Variants in SLC24A2 observed in about 807,000 individuals in gnomAD.
The protein encoded by SLC24A2 is sodium/potassium/calcium exchanger 2.
A neutral mutation model predicts 62.0 loss-of-function variants in SLC24A2; 36 were observed. That is an observed-to-expected ratio of 0.58 (90% CI 0.44 to 0.77). SLC24A2 has a LOEUF of 0.77. Among genes scored for constraint, SLC24A2 ranks in the 30% least tolerant of loss-of-function variants. The pLI is 0.00. For missense variants in SLC24A2, 846 were observed against 817.9 expected, an observed-to-expected ratio of 1.03 and a Z score of -0.42; for synonymous variants, 358 against 294.0, an observed-to-expected ratio of 1.22 and a Z score of -2.23.
chr9:20,189,596 T>C, the SLC24A2 span, among the ~76,000 whole-genome samples: 1 of 152,176 alleles, frequency 6.6e-6, no homozygotes, highest in Non-Finnish European at 1.5e-5. Flanking sequence ...ATTTGAGCTA[T>C]CCCCTTTGAA....
the SLC24A2 span, among the ~76,000 whole-genome samples, chr9:20,044,732 T>C: frequency 6.6e-6 from 1 of 152,200 alleles, no homozygotes; most frequent in Non-Finnish European, 1.5e-5. Context: ...AGTGTTAGAA[T>C]TCTGATTATC....
At chr9:19,891,393 C>T in the SLC24A2 span, among the ~76,000 whole-genome samples, 1 of 152,154 alleles carries the variant, frequency 6.6e-6, no homozygotes, top group African/African-American at 2.4e-5. Flanking sequence ...TGTTGCTATA[C>T]AAGAAACTCT....
intron 2 of SLC24A2, among the ~76,000 whole-genome samples, chr9:19,748,608 A>G (rs1368964982): frequency 6.6e-6 from 1 of 152,156 alleles, no homozygotes; most frequent in Non-Finnish European, 1.5e-5. Context: ...ATAAATTTCC[A>G]GCAATATTGG....
At position 19,547,815 on chromosome 9, in the gene SLC24A2, C is replaced by G. The variant is rs367917123; in HGVS notation, c.1479+2322G>C. Among the ~76,000 whole-genome samples the G allele has an allele frequency of 2.2e-4, 33 of 151,562 alleles. 1 individual carries two copies. The East Asian group carries it at 3.3e-3, about 15-fold the overall frequency. On this transcript the variant is annotated intron_variant, in intron 8 of 10. Coordinates refer to ENST00000341998, the MANE Select transcript of SLC24A2 (RefSeq NM_020344.4). Reference sequence around the variant, plus strand: ...GGCCACACAAAAGCATTGGACTAAACAGCAGAGCAAGAGAGAGAGAGAGAC... The same window carrying G: ...GGCCACACAAAAGCATTGGACTAAAGAGCAGAGCAAGAGAGAGAGAGAGAC...
chr9:19,959,386 G>C, the SLC24A2 span, among the ~76,000 whole-genome samples: 13 of 152,174 alleles, frequency 8.5e-5, no homozygotes, highest in Non-Finnish European at 4.4e-5. Context: ...TCATTTGACA[G>C]AGCTTATGTA....
chr9:19,894,142 G>T, the SLC24A2 span, among the ~76,000 whole-genome samples: 1 of 152,204 alleles, frequency 6.6e-6, no homozygotes, highest in South Asian at 2.1e-4. Context: ...GATGTTGAAA[G>T]ACAATTAGCA....
At chr9:20,198,036 G>A in the SLC24A2 span, among the ~76,000 whole-genome samples, 1 of 152,146 alleles carries the variant, frequency 6.6e-6, no homozygotes, top group African/African-American at 2.4e-5. Context: ...AGTAAAAGGT[G>A]GTTACAAAAC....
chr9:19,559,594 A>C (rs1835290492), intron 7 of SLC24A2, among the ~76,000 whole-genome samples: 1 of 152,224 alleles, frequency 6.6e-6, no homozygotes, highest in Admixed American at 6.5e-5. Flanking sequence ...AAAATTACCA[A>C]AAGTGCATAG....
At chr9:19,757,858 GTAT>G (rs1214285497) in intron 2 of SLC24A2, among the ~76,000 whole-genome samples, 3 of 152,090 alleles carry the variant, frequency 2.0e-5, no homozygotes, top group African/African-American at 7.2e-5. Context: ...TGGCAAGACT[GTAT>G]TATTACTCTT....
At chr9:20,297,108 T>C in the SLC24A2 span, among the ~76,000 whole-genome samples, 1 of 152,220 alleles carries the variant, frequency 6.6e-6, no homozygotes, top group Non-Finnish European at 1.5e-5. Context: ...TTGTGTCCTT[T>C]GGTATTATGA....
At chr9:20,298,347 G>A in the SLC24A2 span, among the ~76,000 whole-genome samples, 12 of 152,088 alleles carry the variant, frequency 7.9e-5, no homozygotes, top group Non-Finnish European at 1.5e-4. Flanking sequence ...TCCTGCCTTG[G>A]CCTCCCAAGT....
At chr9:19,578,560 T>C (rs1182869795) in intron 5 of SLC24A2, among the ~76,000 whole-genome samples, 1 of 152,170 alleles carries the variant, frequency 6.6e-6, no homozygotes, top group African/African-American at 2.4e-5. Flanking sequence ...ATGTATTTTT[T>C]TTTTTTCCGG....
At chr9:20,123,151 C>T in the SLC24A2 span, among the ~76,000 whole-genome samples, 1 of 152,056 alleles carries the variant, frequency 6.6e-6, no homozygotes, top group Non-Finnish European at 1.5e-5. Context: ...GTGAAGACCT[C>T]CTGTCTGGTC....
intron 2 of SLC24A2, among the ~76,000 whole-genome samples, chr9:19,748,490 G>T (rs7037949): frequency 0.11 from 17,267 of 152,146 alleles, 1,920 homozygotes; most frequent in African/African-American, 0.29. Context: ...CACGTTTAAT[G>T]AAAGATCTGT....
chr9:20,235,626 T>C, the SLC24A2 span, among the ~76,000 whole-genome samples: 1 of 152,244 alleles, frequency 6.6e-6, no homozygotes, highest in Admixed American at 6.5e-5. Context: ...AGGTGCCCTC[T>C]GTCACCCCTT....
At chr9:20,082,305 A>G in the SLC24A2 span, among the ~76,000 whole-genome samples, 2,763 of 152,214 alleles carry the variant, frequency 0.018, 75 homozygotes, top group African/African-American at 0.064. Flanking sequence ...GCATTGTCTC[A>G]GTTGTGTGGG....
chr9:20,055,783 G>A, the SLC24A2 span, among the ~76,000 whole-genome samples: 1 of 152,056 alleles, frequency 6.6e-6, no homozygotes, highest in African/African-American at 2.4e-5. Flanking sequence ...AGCTACTTAG[G>A]GAGGCTGAGG....
intron 2 of SLC24A2, among the ~76,000 whole-genome samples, chr9:19,689,560 A>T (rs1014353760): frequency 1.3e-5 from 2 of 152,136 alleles, no homozygotes; most frequent in African/African-American, 4.8e-5. Flanking sequence ...GCAGGGAATA[A>T]ATGCCACAGG....
chr9:20,005,054 T>C, the SLC24A2 span, among the ~76,000 whole-genome samples: 94 of 152,324 alleles, frequency 6.2e-4, no homozygotes, highest in Non-Finnish European at 1.1e-3. Context: ...GTCAGCGAAA[T>C]AGTTATGCTA....
Sources: gnomAD v4.1 joint callset for allele counts (sites outside exome capture counted in the v4.1 genomes callset) on GRCh38, gnomAD v4.1.1 for gene constraint, MANE v1.5 for transcripts, NCBI Gene and HGNC (gene_info 2026-07-23, HGNC 2026-07-21) for gene names.